The following NKAIN2 variants were observed in gnomAD, a reference collection of about 807,000 sequenced individuals.
The protein encoded by NKAIN2 is sodium/potassium-transporting ATPase subunit beta-1-interacting protein 2.
In NKAIN2, 14 loss-of-function variants were observed where a neutral mutation model predicts 32.6. The ratio of observed to expected loss-of-function variants is 0.43; its 90% confidence interval spans 0.28 to 0.67. The LOEUF (loss-of-function observed/expected upper bound fraction) is 0.67. Ranked by LOEUF, NKAIN2 falls within the 30% of genes least tolerant of loss-of-function variation. NKAIN2 has a pLI of 0.17. For synonymous variants in NKAIN2, 80 were observed against 87.2 expected, an observed-to-expected ratio of 0.92 and a Z score of 0.46; for missense variants, 198 against 258.3, an observed-to-expected ratio of 0.77 and a Z score of 1.60.
intron 3 of NKAIN2, among the ~76,000 whole-genome samples, chr6:124,572,454 A>T (rs1033351868): frequency 2.0e-5 from 3 of 152,364 alleles, no homozygotes; most frequent in African/African-American, 7.2e-5. Flanking sequence ...CTCTCAATAA[A>T]TACTTCTCAA....
chr6:124,396,555 C>T (rs1773391154), intron 3 of NKAIN2, among the ~76,000 whole-genome samples: 5 of 151,958 alleles, frequency 3.3e-5, no homozygotes, highest in Non-Finnish European at 5.9e-5. Context: ...TAATGAAACA[C>T]GATGAGTCAG....
In NKAIN2 at chr6:123,822,482, A is replaced by G. The variant is rs956918932; in HGVS notation, c.54+18228A>G. Among the ~76,000 whole-genome samples, 62 of 152,300 alleles carry G rather than the reference A, an allele frequency of 4.1e-4. 1 individual carries two copies. Among genetic ancestry groups the G allele is most frequent in the Middle Eastern group, 3.4e-3 (1 of 294 alleles). The stretch of plus-strand genomic sequence containing the variant: ...TAAGGAGTTTTCCATGTGGTTAGCA[A>G]TATTAGAATGCTTAGACTATCTTAG... On this transcript the variant is annotated intron_variant, in intron 1 of 6. Transcript: ENST00000368417.
intron 1 of NKAIN2, among the ~76,000 whole-genome samples, chr6:124,216,250 A>C (rs1481717436): frequency 3.3e-5 from 5 of 152,164 alleles, no homozygotes; most frequent in African/African-American, 1.2e-4. Flanking sequence ...CCAAAGGAAA[A>C]ATGCAGTTAA....
chr6:124,303,458 A>G (rs2114982286), intron 2 of NKAIN2, among the ~76,000 whole-genome samples: 1 of 152,292 alleles, frequency 6.6e-6, no homozygotes, highest in Non-Finnish European at 1.5e-5. Context: ...CTATAGAGAC[A>G]AGTAAACAGA....
At chr6:124,194,225 T>G (rs1436565436) in intron 1 of NKAIN2, among the ~76,000 whole-genome samples, 2 of 151,760 alleles carry the variant, frequency 1.3e-5, no homozygotes, top group Non-Finnish European at 2.9e-5. Context: ...CCACCCAAGA[T>G]CTAGTCTGCC....
chr6:124,459,035 C>T (rs1298650212), intron 3 of NKAIN2, among the ~76,000 whole-genome samples: 2 of 151,734 alleles, frequency 1.3e-5, no homozygotes, highest in Non-Finnish European at 2.9e-5. Context: ...TAGTGAATGT[C>T]GATTGACTTT....
chr6:124,720,285 T>G (rs1775951861), intron 4 of NKAIN2, among the ~76,000 whole-genome samples: 1 of 152,296 alleles, frequency 6.6e-6, no homozygotes, highest in African/African-American at 2.4e-5. Flanking sequence ...GTCAGGAAAC[T>G]TCAGTCCTCT....
At chr6:124,255,227 TG>T (rs1390910054) in intron 1 of NKAIN2, among the ~76,000 whole-genome samples, 1 of 152,242 alleles carries the variant, frequency 6.6e-6, no homozygotes, top group African/African-American at 2.4e-5. Flanking sequence ...GTAATGTGGT[TG>T]GCCCCATCTT....
At chr6:124,170,358 A>G (rs1162532956) in intron 1 of NKAIN2, among the ~76,000 whole-genome samples, 1 of 152,184 alleles carries the variant, frequency 6.6e-6, no homozygotes, top group Non-Finnish European at 1.5e-5. Flanking sequence ...ATATTTGTTG[A>G]ATGAATATAA....
At chr6:124,524,829 C>T (rs1374019032) in intron 3 of NKAIN2, among the ~76,000 whole-genome samples, 1 of 152,062 alleles carries the variant, frequency 6.6e-6, no homozygotes, top group East Asian at 1.9e-4. Context: ...AACTGATTAC[C>T]ATAGGCAATT....
chr6:124,548,943 A>G (rs181440090), intron 3 of NKAIN2, among the ~76,000 whole-genome samples: 1 of 152,192 alleles, frequency 6.6e-6, no homozygotes, highest in Non-Finnish European at 1.5e-5. Flanking sequence ...AGTTTTTGAG[A>G]AAGAGTAGAA....
At chr6:124,324,881 T>C (rs1562490994) in intron 2 of NKAIN2, among the ~76,000 whole-genome samples, 1 of 152,080 alleles carries the variant, frequency 6.6e-6, no homozygotes, top group South Asian at 2.1e-4. Context: ...TTTTCATCCC[T>C]TGAATAAACA....
At chr6:124,395,421 T>A (rs1268976372) in intron 3 of NKAIN2, among the ~76,000 whole-genome samples, 2 of 152,238 alleles carry the variant, frequency 1.3e-5, no homozygotes, top group African/African-American at 4.8e-5. Context: ...ATATCATAGA[T>A]ACACTTATAA....
At chr6:124,279,587 A>G (rs1386455258) in intron 1 of NKAIN2, among the ~76,000 whole-genome samples, 1 of 151,958 alleles carries the variant, frequency 6.6e-6, no homozygotes, top group East Asian at 1.9e-4. Flanking sequence ...AACCTTTATA[A>G]CAGTGTCAGA....
At chr6:124,601,053 T>C (rs1342571243) in intron 3 of NKAIN2, among the ~76,000 whole-genome samples, 1 of 152,004 alleles carries the variant, frequency 6.6e-6, no homozygotes, top group Non-Finnish European at 1.5e-5. Flanking sequence ...AAAATTATCA[T>C]AGAGATAGGA....
intron 2 of NKAIN2, among the ~76,000 whole-genome samples, chr6:124,298,169 G>C (rs1796140551): frequency 6.6e-6 from 1 of 151,844 alleles, no homozygotes; most frequent in Non-Finnish European, 1.5e-5. Context: ...TCTGAACTAA[G>C]AGATAAAAAA....
intron 2 of NKAIN2, among the ~76,000 whole-genome samples, chr6:124,341,510 A>G (rs1447669887): frequency 2.0e-5 from 3 of 152,194 alleles, no homozygotes; most frequent in African/African-American, 7.2e-5. Flanking sequence ...TTTCTAGAAT[A>G]AGAAATTTCT....
chr6:124,238,120 C>T (rs1210698657), intron 1 of NKAIN2, among the ~76,000 whole-genome samples: 19 of 152,012 alleles, frequency 1.2e-4, no homozygotes, highest in Admixed American at 9.2e-4. Flanking sequence ...TTCAGCACCA[C>T]CTCATCATTT....
intron 3 of NKAIN2, among the ~76,000 whole-genome samples, chr6:124,639,060 A>G (rs527794342): frequency 2.3e-4 from 35 of 152,242 alleles, no homozygotes; most frequent in African/African-American, 7.7e-4. Flanking sequence ...TAGAATGACT[A>G]TTATCAAAAA....
Sources: gnomAD v4.1 joint callset for allele counts (sites outside exome capture counted in the v4.1 genomes callset) on GRCh38, gnomAD v4.1.1 for gene constraint, MANE v1.5 for transcripts, NCBI Gene and HGNC (gene_info 2026-07-23, HGNC 2026-07-21) for gene names.